Variants in ZFYVE28 observed in about 807,000 individuals in gnomAD.
The protein encoded by ZFYVE28 is lateral signaling target protein 2 homolog.
Under a neutral mutation model 82.1 loss-of-function variants are expected in ZFYVE28, and 40 were observed. The observed-to-expected ratio is 0.49, with a 90% CI of 0.38 to 0.63. ZFYVE28 has a LOEUF of 0.63. ZFYVE28 is among the 30% of genes least tolerant of loss of function. The probability of loss-of-function intolerance (pLI) is 0.00; values close to 1 mark genes in which losing one functional copy is unlikely to be tolerated. For synonymous variants in ZFYVE28, 612 were observed against 546.1 expected (o/e 1.12, Z -1.68); for missense variants, 1,321 against 1,242.1 (o/e 1.06, Z -0.96).
Position 2,339,391 on chromosome 4 carries a change from G to A in ZFYVE28, c.521+62C>T, listed in dbSNP as rs1387311252. On this transcript the variant is annotated intron_variant, in intron 4 of 12. Coordinates refer to ENST00000290974, the MANE Select transcript of ZFYVE28 (RefSeq NM_020972.3). This position sits in a 1 kb window ranked among gnomAD's most constrained non-coding sequence, Gnocchi z 5.0. ...GCTTGAAGTATCAGGGTGAGCCCCG[G>A]AAGCTGGCACAACCGTCCCCCAGCT... The A allele has an allele frequency of 6.4e-7, 1 of 1,551,318 alleles. No homozygotes were observed. The highest frequency in any genetic ancestry group is 8.8e-7 in the Non-Finnish European group (1 of 1,141,640).
intron 2 of ZFYVE28, 136 bp downstream of exon 2, chr4:2,353,797 C>G: frequency 8.8e-7 from 1 of 1,140,590 alleles, no homozygotes; most frequent in African/African-American, 1.6e-5. Context: ...CTTCCTGGGC[C>G]TGGCTTCTCT....
At chr4:2,385,283 G>A (rs1490461786) in intron 1 of ZFYVE28, among the ~76,000 whole-genome samples, 1 of 152,156 alleles carries the variant, frequency 6.6e-6, no homozygotes, top group African/African-American at 2.4e-5. Flanking sequence ...TAAGGGAGTG[G>A]GCCAAGAACA....
At chr4:2,302,642 C>G (rs1158522974) in intron 8 of ZFYVE28, among the ~76,000 whole-genome samples, 1 of 152,260 alleles carries the variant, frequency 6.6e-6, no homozygotes, top group Non-Finnish European at 1.5e-5. Context: ...CCCAGATGAG[C>G]TGAAGACCTG....
chr4:2,334,575 T>C (rs1179190148), intron 6 of ZFYVE28, among the ~76,000 whole-genome samples: 1 of 151,552 alleles, frequency 6.6e-6, no homozygotes, highest in Non-Finnish European at 1.5e-5. Context: ...ATGGCCTCAG[T>C]GAGGTCTCTC....
At chr4:2,279,026 G>T (rs984464563) in intron 8 of ZFYVE28, among the ~76,000 whole-genome samples, 1 of 151,968 alleles carries the variant, frequency 6.6e-6, no homozygotes, top group Non-Finnish European at 1.5e-5. Context: ...CTTCCTTATG[G>T]AAAAATAAAA....
intron 1 of ZFYVE28, chr4:2,364,799 G>A: frequency 1.0e-6 from 1 of 985,562 alleles, no homozygotes; most frequent in Non-Finnish European, 1.2e-6. Context: ...CCTCCGAGCG[G>A]GTGACTGGGA....
chr4:2,336,827 AGGT>A (rs1721826168), intron 5 of ZFYVE28, among the ~76,000 whole-genome samples: 1 of 137,366 alleles, frequency 7.3e-6, no homozygotes, highest in African/African-American at 2.8e-5. Context: ...TGGATTGAGG[AGGT>A]GAGGAGTGAG....
intron 1 of ZFYVE28, among the ~76,000 whole-genome samples, chr4:2,383,488 T>C (rs1350699146): frequency 6.6e-6 from 1 of 152,172 alleles, no homozygotes; most frequent in Non-Finnish European, 1.5e-5. Context: ...TTCTTCCTAG[T>C]CTCAGGTATG....
chr4:2,344,245 G>A (rs1221045153), intron 2 of ZFYVE28, among the ~76,000 whole-genome samples: 2 of 152,236 alleles, frequency 1.3e-5, no homozygotes, highest in African/African-American at 4.8e-5. Context: ...CAAGGGTTCA[G>A]CCGAGAACTG....
rs934565866 is a variant in ZFYVE28 at position 2,349,987 on chromosome 4, T to C, written c.180+3946A>G. ...AAGATGTCTGCTCTCACCACTTCTA[T>C]TCAACTTTGTACTGGAATTCTAGCT... On this transcript the variant is annotated intron_variant, in intron 2 of 12. Coordinates refer to ENST00000290974, the MANE Select transcript of ZFYVE28 (RefSeq NM_020972.3). 2.0e-5 allele frequency among the ~76,000 whole-genome samples: 3 copies of C among 151,904 alleles called. No individual in the cohort carries two copies. The East Asian group carries it at 5.8e-4, about 29-fold the overall frequency.
At chr4:2,345,055 CA>C (rs1001193176) in intron 2 of ZFYVE28, among the ~76,000 whole-genome samples, 160 of 151,516 alleles carry the variant, frequency 1.1e-3, no homozygotes, top group African/African-American at 3.7e-3. Context: ...ACTAAAAATA[CA>C]AAAAAAATAG....
intron 3 of ZFYVE28, among the ~76,000 whole-genome samples, chr4:2,340,736 G>A (rs1419949905): frequency 6.6e-6 from 1 of 152,158 alleles, no homozygotes; most frequent in African/African-American, 2.4e-5. Flanking sequence ...CTGCCCGCGG[G>A]CCCCTGTAAC....
chr4:2,356,738 G>A (rs1222021178), intron 1 of ZFYVE28, among the ~76,000 whole-genome samples: 1 of 152,236 alleles, frequency 6.6e-6, no homozygotes, highest in Non-Finnish European at 1.5e-5. Flanking sequence ...AAGGAGAGGA[G>A]GGGAGGCGGG....
At chr4:2,367,150 C>T (rs1726976607) in intron 1 of ZFYVE28, among the ~76,000 whole-genome samples, 6 of 152,192 alleles carry the variant, frequency 3.9e-5, no homozygotes, top group Admixed American at 3.3e-4. Context: ...GTGGTGAGAG[C>T]GCTCCAGAGG....
In ZFYVE28 at chr4:2,304,686, G is replaced by A. The variant is rs149353807; in HGVS notation, c.1654C>T (p.Leu552Phe). 11 of 1,612,522 alleles carry A rather than the reference G, an allele frequency of 6.8e-6. No homozygotes were observed. In the African/African-American group the frequency reaches 1.1e-4, roughly 16 times the overall value. The change falls in exon 8 of 13, where the codon CTT becomes TTT. Residue 552 changes from leucine (L) to phenylalanine (F), a missense_variant. This residue lies in a region of ZFYVE28 where 978 missense variants were observed against 833.7 expected (regional missense o/e 1.17). Transcript: ENST00000290974. ...AEGMDGGPHKLSTGATNCLLH... is the reference protein window; with the variant it reads ...AEGMDGGPHKFSTGATNCLLH... ...AGGCAGTTGGTGGCCCCAGTGCTAA[G>A]CTTGTGGGGGCCGCCATCCATCCCC...
chr4:2,303,785 C>G (rs1304660446), intron 8 of ZFYVE28, among the ~76,000 whole-genome samples: 1 of 152,220 alleles, frequency 6.6e-6, no homozygotes, highest in Non-Finnish European at 1.5e-5. Context: ...TGGCCCCAGT[C>G]TCCGCGCCCA....
At chr4:2,292,172 G>A (rs564355405) in intron 8 of ZFYVE28, among the ~76,000 whole-genome samples, 232 of 152,292 alleles carry the variant, frequency 1.5e-3, no homozygotes, top group African/African-American at 5.3e-3. Flanking sequence ...TCCTGCAGGC[G>A]GCCGGAGAGC....
rs1008948545 is a variant in ZFYVE28 at position 2,270,009 on chromosome 4, G to A, written c.*716C>T. The A allele has an allele frequency of 6.6e-6, 1 of 152,294 alleles. No individual in the cohort carries two copies. Among genetic ancestry groups the A allele is most frequent in the African/African-American group, 2.4e-5 (1 of 41,432 alleles). 9.4% of individuals were successfully genotyped at this position (152,294 alleles called of 1,614,324 possible). Reference sequence around the variant, plus strand: ...ATTGGTAAACCCGACCCAAGGCCCCGAGCAACCTCTGCCTGCGGTGTCAGT... The same window carrying A: ...ATTGGTAAACCCGACCCAAGGCCCCAAGCAACCTCTGCCTGCGGTGTCAGT... On this transcript the variant is annotated 3_prime_UTR_variant, in exon 13 of 13. Transcript: ENST00000290974.
intron 1 of ZFYVE28, among the ~76,000 whole-genome samples, chr4:2,396,911 A>C (rs1730534445): frequency 6.6e-6 from 1 of 152,158 alleles, no homozygotes; most frequent in African/African-American, 2.4e-5. Context: ...CTGAGCAGCG[A>C]GTCATGACCC....
Sources: allele counts gnomAD v4.1 joint callset (sites outside exome capture counted in the v4.1 genomes callset), GRCh38; gene constraint gnomAD v4.1.1; regional missense constraint gnomAD v4.1.1; non-coding constraint Gnocchi (gnomAD v3.1); transcripts MANE v1.5; gene names NCBI Gene and HGNC (gene_info 2026-07-23, HGNC 2026-07-21).